The following DDX60 variants were observed in gnomAD, a reference collection of about 807,000 sequenced individuals.
DDX60 encodes the protein probable ATP-dependent RNA helicase DDX60.
Under a neutral mutation model 212.8 loss-of-function variants are expected in DDX60, and 165 were observed. That is an observed-to-expected ratio of 0.78 (90% confidence interval 0.68 to 0.88). DDX60 has a LOEUF of 0.88. Ranked by LOEUF, DDX60 falls within the 40% of genes least tolerant of loss-of-function variation. The probability of loss-of-function intolerance (pLI) is 0.00; values close to 1 mark genes in which losing one functional copy is unlikely to be tolerated. For synonymous variants in DDX60, 703 were observed against 685.3 expected, an observed-to-expected ratio of 1.03 and a Z score of -0.40; for missense variants, 1,905 against 2,003.9, an observed-to-expected ratio of 0.95 and a Z score of 0.94.
At chr4:168,241,077 C>T (rs904680411) in intron 30 of DDX60, among the ~76,000 whole-genome samples, 17 of 152,122 alleles carry the variant, frequency 1.1e-4, no homozygotes, top group African/African-American at 3.4e-4. Flanking sequence ...AGAGGAATTC[C>T]CCTGCACAAG....
intron 27 of DDX60, among the ~76,000 whole-genome samples, chr4:168,251,533 G>A (rs1734220468): frequency 6.6e-6 from 1 of 152,132 alleles, no homozygotes. Flanking sequence ...AGCACAAATG[G>A]ACTTAAAAAT....
rs184473690 is a variant in DDX60 at position 168,232,421 on chromosome 4, A to G, written c.4533+3831T>C. On this transcript the variant is annotated intron_variant, in intron 33 of 37. Transcript: ENST00000393743. Reference sequence around the variant, plus strand: ...ATAGTCAAAGGAAAACTAAGCAAAAAGAACAAATCTGGAAGCATCATACTA... The same window carrying G: ...ATAGTCAAAGGAAAACTAAGCAAAAGGAACAAATCTGGAAGCATCATACTA... 5.9e-5 allele frequency among the ~76,000 whole-genome samples: 9 copies of G among 152,280 alleles called. No homozygotes were observed. In the East Asian group the frequency reaches 1.2e-3, roughly 20 times the overall value.
At chr4:168,295,302 T>G (rs758880295) in intron 6 of DDX60, among the ~76,000 whole-genome samples, 26 of 152,210 alleles carry the variant, frequency 1.7e-4, no homozygotes, top group Non-Finnish European at 1.8e-4. Flanking sequence ...ACTTCGTACT[T>G]CTATATTTGA....
intron 30 of DDX60, among the ~76,000 whole-genome samples, chr4:168,242,470 C>A (rs112144648): frequency 0.016 from 2,395 of 152,302 alleles, 60 homozygotes; most frequent in African/African-American, 0.053. Flanking sequence ...TGGGAGCCCA[C>A]CTCTTGCATC....
intron 6 of DDX60, among the ~76,000 whole-genome samples, chr4:168,301,044 A>G (rs1184888431): frequency 6.6e-6 from 1 of 152,180 alleles, no homozygotes; most frequent in Non-Finnish European, 1.5e-5. Context: ...AACATTATGC[A>G]ACATATTCAT....
chr4:168,310,640 CAG>C (rs1343037995), intron 3 of DDX60, among the ~76,000 whole-genome samples: 1 of 152,010 alleles, frequency 6.6e-6, no homozygotes, highest in Non-Finnish European at 1.5e-5. Context: ...CTTGGTAGAG[CAG>C]AGAGAAAGCT....
At chr4:168,239,357 CAG>C (rs1354778502) in intron 30 of DDX60, among the ~76,000 whole-genome samples, 1 of 148,160 alleles carries the variant, frequency 6.7e-6, no homozygotes, top group Non-Finnish European at 1.5e-5. Flanking sequence ...TAGCAGATAG[CAG>C]AGAGATGATA....
rs955486299 is a variant in DDX60 at position 168,262,470 on chromosome 4, AAAG to A, written c.3144+210_3144+212del. 3.9e-4 allele frequency among the ~76,000 whole-genome samples: 60 copies of A among 152,270 alleles called. 1 individual carries two copies. In the Middle Eastern group the frequency reaches 0.01, roughly 26 times the overall value. On this transcript the variant is annotated intron_variant, in intron 23 of 37. Transcript: ENST00000393743. ...AAGTTGAAAAGATTTCAAAAAAAAA[AAAG>A]AAGAAATATTCTCAGGAATTAAATA...
chr4:168,320,608 C>G (rs1477732327), upstream of DDX60, among the ~76,000 whole-genome samples: 4 of 152,138 alleles, frequency 2.6e-5, no homozygotes, highest in Non-Finnish European at 4.4e-5. Context: ...TAATTTGTTA[C>G]AGCAGCCATA....
At chr4:168,309,236 A>T (rs1737026495) in intron 3 of DDX60, among the ~76,000 whole-genome samples, 1 of 152,172 alleles carries the variant, frequency 6.6e-6, no homozygotes, top group Non-Finnish European at 1.5e-5. Flanking sequence ...TTATTGCAAT[A>T]TCATAAACCC....
At chr4:168,276,531 T>G (rs591212) in intron 14 of DDX60, among the ~76,000 whole-genome samples, 16,770 of 152,244 alleles carry the variant, frequency 0.11, 1,160 homozygotes, top group African/African-American at 0.19. Context: ...ATATCTTTAT[T>G]ACTTGAAATA....
chr4:168,252,586 G>T lies in DDX60; in HGVS notation c.3628C>A (p.Leu1210Ile). The change falls in exon 27 of 38, where the codon CTA (leucine) becomes ATA (isoleucine). Residue 1210 changes from leucine (L) to isoleucine (I), a missense_variant. Physicochemically the swap from Leu to Ile is conservative, Grantham distance 5. Coordinates refer to ENST00000393743, the MANE Select transcript of DDX60 (RefSeq NM_017631.6). ...SLIHEAEHDN[L>I]VKCLEKNLEI... ...AGGTTCTTCTCTAGACACTTCACTA[G>T]ATTATCATGTTCAGCTTCATGTATT... 1.9e-6 allele frequency: 3 copies of T among 1,613,716 alleles called. No homozygotes were observed. Among genetic ancestry groups the T allele is most frequent in the Non-Finnish European group, 2.5e-6 (3 of 1,179,814 alleles).
intron 3 of DDX60, among the ~76,000 whole-genome samples, chr4:168,308,505 C>T (rs952465479): frequency 6.6e-6 from 1 of 151,894 alleles, no homozygotes; most frequent in African/African-American, 2.4e-5. Context: ...ATATTTTATG[C>T]TTAATCAACC....
In DDX60 at chr4:168,297,381, A is replaced by G. The variant is rs1028647476; in HGVS notation, c.724-3436T>C. On this transcript the variant is annotated intron_variant, in intron 6 of 37. Coordinates refer to ENST00000393743, the MANE Select transcript of DDX60 (RefSeq NM_017631.6). ...AAGAAAGAAAGAAAGAAAGAAAGAA[A>G]GAGAAAGAAAGAAAGAAAGAAAGAC... Among the ~76,000 whole-genome samples the G allele has an allele frequency of 1.1e-4, 5 of 43,566 alleles. 1 individual carries two copies. Among genetic ancestry groups the G allele is most frequent in the Non-Finnish European group, 2.0e-4 (5 of 25,116 alleles). 28.6% of individuals were successfully genotyped at this position (43,566 alleles called of 152,430 possible).
In DDX60 at chr4:168,237,765, A is replaced by T. The variant is rs146908767; in HGVS notation, c.4195T>A (p.Ser1399Thr). ...VLSVLKHSLL[S>T]FKQPRVMDML... ...TCCATGACTCTGGGTTGCTTGAAGGACAGCAATGAATGCTTTAGCACTGAT... is the reference window on the plus strand; with the variant it reads ...TCCATGACTCTGGGTTGCTTGAAGGTCAGCAATGAATGCTTTAGCACTGAT... Residue 1399 changes from serine (S) to threonine (T), a missense_variant, in exon 31 of 38, where the codon TCC (serine) becomes ACC (threonine). Transcript: ENST00000393743. The T allele has an allele frequency of 6.2e-7, 1 of 1,611,718 alleles. No homozygotes were observed. Among genetic ancestry groups the T allele is most frequent in the African/African-American group, 1.3e-5 (1 of 74,854 alleles).
In DDX60 at chr4:168,273,936, T is replaced by A; in HGVS notation, c.2452A>T (p.Lys818Ter). Reference sequence around the variant, plus strand: ...TATTATAGTCACTTGAGCACTACCTTTGTGGGTGCAACGTACACGACCACC... The same window carrying A: ...TATTATAGTCACTTGAGCACTACCTATGTGGGTGCAACGTACACGACCACC... ...DGVVVYVAPTKALVNQVAATV... is the reference protein window; with the variant it reads ...DGVVVYVAPT Residue 818 changes from lysine (K) to a stop codon, truncating the protein, a stop_gained and splice_region_variant, in exon 17 of 38, where the codon AAG becomes TAG. Coordinates refer to ENST00000393743, the MANE Select transcript of DDX60 (RefSeq NM_017631.6). LOFTEE classifies it high-confidence loss of function. 1 of 1,613,508 alleles carries A rather than the reference T, an allele frequency of 6.2e-7. No individual in the cohort carries two copies. The highest frequency in any genetic ancestry group is 1.3e-5 in the African/African-American group (1 of 75,026).
At chr4:168,258,345 G>A (rs1214939226) in intron 25 of DDX60, among the ~76,000 whole-genome samples, 1 of 152,182 alleles carries the variant, frequency 6.6e-6, no homozygotes. Context: ...ATTCATGGGG[G>A]CAGAGGTGGG....
intron 19 of DDX60, 57 bp downstream of exon 19, chr4:168,271,986 T>G (rs1422958499): frequency 2.2e-6 from 3 of 1,335,754 alleles, no homozygotes; most frequent in Non-Finnish European, 3.1e-6. Flanking sequence ...CCAAATATCT[T>G]CATTGCTATG....
intron 30 of DDX60, among the ~76,000 whole-genome samples, chr4:168,243,272 T>C (rs1273918655): frequency 2.0e-5 from 3 of 151,984 alleles, no homozygotes; most frequent in Non-Finnish European, 4.4e-5. Flanking sequence ...ATAAATGGGA[T>C]CTAATTAAAC....
Sources: allele counts gnomAD v4.1 joint callset (sites outside exome capture counted in the v4.1 genomes callset), GRCh38; gene constraint gnomAD v4.1.1; transcripts MANE v1.5; gene names NCBI Gene and HGNC (gene_info 2026-07-23, HGNC 2026-07-21).